Variants in MARCO observed in about 807,000 individuals in gnomAD.
MARCO encodes macrophage receptor with collagenous structure, also known as macrophage receptor MARCO.
In MARCO, 72 loss-of-function variants were observed where a neutral mutation model predicts 70.0. The observed-to-expected ratio is 1.03, with a 90% CI of 0.85 to 1.25. The LOEUF (loss-of-function observed/expected upper bound fraction) is 1.25. Ranked by LOEUF, MARCO falls within the 50% of genes most tolerant of loss-of-function variation. The pLI, the probability that MARCO is intolerant of heterozygous loss-of-function variation, is 0.00. For synonymous variants in MARCO, 273 were observed against 243.1 expected (o/e 1.12, Z -1.14); for missense variants, 696 against 659.3 (o/e 1.06, Z -0.61).
At chr2:118,943,110 G>T (rs1296104995) in intron 1 of MARCO, among the ~76,000 whole-genome samples, 1 of 152,152 alleles carries the variant, frequency 6.6e-6, no homozygotes, top group African/African-American at 2.4e-5. Flanking sequence ...CTTCCAAGTT[G>T]ATCAGTCATT....
At chr2:118,957,813 G>T (rs1056569564) in intron 1 of MARCO, among the ~76,000 whole-genome samples, 1 of 151,972 alleles carries the variant, frequency 6.6e-6, no homozygotes, top group African/African-American at 2.4e-5. Context: ...GGATCAAGTG[G>T]GTTTCATAGC....
intron 4 of MARCO, among the ~76,000 whole-genome samples, chr2:118,973,413 C>G (rs957522024): frequency 3.3e-4 from 50 of 152,052 alleles, no homozygotes; most frequent in African/African-American, 1.0e-3. Flanking sequence ...CTGTCTCTTC[C>G]CACTCTTTCT....
At chr2:118,950,750 C>G (rs1679706908) in intron 1 of MARCO, among the ~76,000 whole-genome samples, 1 of 152,092 alleles carries the variant, frequency 6.6e-6, no homozygotes, top group Admixed American at 6.5e-5. Flanking sequence ...TATTTTAGGA[C>G]AAGAATTTAC....
At position 118,991,797 on chromosome 2, in the gene MARCO, G is replaced by A; in HGVS notation, c.1129G>A (p.Glu377Lys). 1.9e-6 allele frequency: 3 copies of A among 1,593,960 alleles called. No individual in the cohort carries two copies. The highest frequency in any genetic ancestry group is 2.6e-6 in the Non-Finnish European group (3 of 1,171,568). The change falls in exon 14 of 17, where the codon GAA becomes AAA. Residue 377 changes from glutamate (E) to lysine (K), a missense_variant. By Grantham distance (56) the Glu-to-Lys change is moderately conservative. This residue lies in a region of MARCO where 605 missense variants were observed against 537.6 expected (regional missense o/e 1.13). Coordinates refer to ENST00000327097, the MANE Select transcript of MARCO (RefSeq NM_006770.4). ...TCCAGGCCCTGCAGGTGTGAAGGGA[G>A]AACAGGGGAGCCCAGGGCTGGCAGG... Reference protein sequence around the residue: ...GVPGPAGVKGEQGSPGLAGPK... With the variant: ...GVPGPAGVKGKQGSPGLAGPK...
At chr2:118,977,092 A>G (rs563451321) in intron 6 of MARCO, among the ~76,000 whole-genome samples, 1 of 152,328 alleles carries the variant, frequency 6.6e-6, no homozygotes, top group South Asian at 2.1e-4. Flanking sequence ...AACTCACTCC[A>G]TCTTGCCAGA....
intron 4 of MARCO, among the ~76,000 whole-genome samples, chr2:118,973,184 C>A (rs374952244): frequency 8.8e-5 from 12 of 137,136 alleles, no homozygotes; most frequent in South Asian, 2.4e-4. Flanking sequence ...TGTATGTACA[C>A]AGAGAAAAAC....
intron 10 of MARCO, 130 bp downstream of exon 10, chr2:118,981,786 A>G: frequency 2.1e-6 from 2 of 966,800 alleles, no homozygotes; most frequent in Non-Finnish European, 3.2e-6. Context: ...TTTTTTAGAC[A>G]TCTGGCCCTG....
chr2:118,989,196 G>A (rs917889248), intron 12 of MARCO, among the ~76,000 whole-genome samples: 1 of 152,216 alleles, frequency 6.6e-6, no homozygotes, highest in African/African-American at 2.4e-5. Context: ...CAAGCTAAAT[G>A]TGAGTTCTCC....
At chr2:118,972,346 C>G (rs762026198) in intron 4 of MARCO, among the ~76,000 whole-genome samples, 12 of 152,144 alleles carry the variant, frequency 7.9e-5, no homozygotes, top group Non-Finnish European at 1.6e-4. Context: ...GGGACAGAAT[C>G]CTTTGGTCCC....
At chr2:118,983,117 CTGAT>C (rs961279801) in intron 12 of MARCO, among the ~76,000 whole-genome samples, 8 of 152,202 alleles carry the variant, frequency 5.3e-5, no homozygotes, top group South Asian at 2.1e-4. Context: ...TGGGCACACT[CTGAT>C]TGGGCATTTC....
chr2:118,958,084 CG>C (rs1558831990), intron 1 of MARCO, among the ~76,000 whole-genome samples: 1 of 151,658 alleles, frequency 6.6e-6, no homozygotes, highest in African/African-American at 2.4e-5. Flanking sequence ...CCTCTGAGAA[CG>C]GGAACAAGAT....
At chr2:118,962,533 T>C (rs897636239) in intron 1 of MARCO, among the ~76,000 whole-genome samples, 3 of 151,978 alleles carry the variant, frequency 2.0e-5, no homozygotes, top group Admixed American at 6.6e-5. Flanking sequence ...TTACTGAAGA[T>C]TTTTGTGTCA....
At chr2:118,951,418 T>C (rs1679720195) in intron 1 of MARCO, among the ~76,000 whole-genome samples, 1 of 152,260 alleles carries the variant, frequency 6.6e-6, no homozygotes, top group Non-Finnish European at 1.5e-5. Context: ...AGCTACCTTT[T>C]AGCTTTTGGG....
intron 14 of MARCO, 42 bp downstream of exon 14, chr2:118,991,917 C>G (rs928739354): frequency 1.5e-6 from 2 of 1,359,220 alleles, no homozygotes; most frequent in South Asian, 2.6e-5. Flanking sequence ...TAGGACTGTG[C>G]TTTACAGCCA....
chr2:118,992,375 G>A (rs1680639256), intron 14 of MARCO, 57 bp from the exon 15 acceptor site: 2 of 1,493,206 alleles, frequency 1.3e-6, no homozygotes, highest in South Asian at 1.1e-5. Flanking sequence ...GCAAATGCAG[G>A]CAAAGGCGTC....
rs187173760 is a variant in MARCO, at chr2:118,947,100, C to T, written c.97+4703C>T. ...ATATGTGGTTTGCACATATTTTCTC[C>T]GAGTCTGTAACTTGCATTGTTATGT... On this transcript the variant is annotated intron_variant, in intron 1 of 16. Transcript: ENST00000327097. Among the ~76,000 whole-genome samples the T allele has an allele frequency of 1.8e-3, 271 of 152,078 alleles. 1 individual carries two copies. Among genetic ancestry groups the T allele is most frequent in the Admixed American group, 3.2e-3 (49 of 15,282 alleles).
chr2:118,986,689 GAAAGAAAGAAAGAAAGAAAGAAAGAA>G (rs1680510350), intron 12 of MARCO, among the ~76,000 whole-genome samples: 1 of 51,504 alleles, frequency 1.9e-5, no homozygotes, highest in Non-Finnish European at 4.2e-5. Flanking sequence ...AAGAAAGAAA[GAAAGAAAGAAAGAAAGAAAGAAAGAA>G]AGAAAGAAAA....
At chr2:118,977,988 G>A in intron 8 of MARCO, 53 bp downstream of exon 8, 1 of 1,199,240 alleles carries the variant, frequency 8.3e-7, no homozygotes, top group Non-Finnish European at 1.2e-6. Context: ...GAGGGAACTA[G>A]GGCCTGACCT....
chr2:118,958,817 C>A (rs1016190672), intron 1 of MARCO, among the ~76,000 whole-genome samples: 2 of 152,032 alleles, frequency 1.3e-5, no homozygotes, highest in Non-Finnish European at 2.9e-5. Context: ...GCACATAGAC[C>A]AATGGAAAAG....
Sources: gnomAD v4.1 joint callset for allele counts (sites outside exome capture counted in the v4.1 genomes callset) on GRCh38, gnomAD v4.1.1 for gene constraint, gnomAD v4.1.1 regional missense constraint, MANE v1.5 for transcripts, NCBI Gene and HGNC (gene_info 2026-07-23, HGNC 2026-07-21) for gene names.